FNDC3B: variants seen among roughly 807,000 people sequenced by gnomAD.
The protein encoded by FNDC3B is fibronectin type III domain-containing protein 3B.
Under a neutral mutation model 151.5 loss-of-function variants are expected in FNDC3B, and 12 were observed. The ratio of observed to expected loss-of-function variants is 0.08; its 90% CI spans 0.05 to 0.13. FNDC3B has a LOEUF of 0.13. FNDC3B is among the 10% of genes least tolerant of loss of function. The pLI, the probability that FNDC3B is intolerant of heterozygous loss-of-function variation, is 1.00. For missense variants in FNDC3B, 1,214 were observed against 1,505.3 expected (o/e 0.81, Z 3.20); for synonymous variants, 528 against 549.0 (o/e 0.96, Z 0.54).
intron 8 of FNDC3B, 88 bp downstream of exon 8, chr3:172,295,602 A>C: frequency 7.7e-7 from 1 of 1,290,794 alleles, no homozygotes; most frequent in Non-Finnish European, 1.1e-6. Context: ...AAAACCTTAT[A>C]GGCTTGGCAA....
At chr3:172,147,962 T>C (rs1016454448) in intron 3 of FNDC3B, among the ~76,000 whole-genome samples, 2 of 152,110 alleles carry the variant, frequency 1.3e-5, no homozygotes, top group Non-Finnish European at 2.9e-5. Flanking sequence ...AAGATAGAAT[T>C]TTTTTCTTTT....
At chr3:172,265,891 G>A (rs914327451) in intron 6 of FNDC3B, among the ~76,000 whole-genome samples, 3 of 152,202 alleles carry the variant, frequency 2.0e-5, no homozygotes, top group African/African-American at 4.8e-5. Flanking sequence ...GTGAGCAGAT[G>A]TTCCCTCAGC....
intron 1 of FNDC3B, among the ~76,000 whole-genome samples, chr3:172,084,979 A>C (rs1718476578): frequency 6.6e-6 from 1 of 152,188 alleles, no homozygotes; most frequent in Non-Finnish European, 1.5e-5. Context: ...AATTTCTGGA[A>C]CAGCATATTA....
chr3:172,066,342 C>T (rs989654855), intron 1 of FNDC3B, among the ~76,000 whole-genome samples: 2 of 152,194 alleles, frequency 1.3e-5, no homozygotes, highest in African/African-American at 2.4e-5. Flanking sequence ...ATCTTGTGTA[C>T]CTTCATATCA....
At chr3:172,321,392 T>C (rs1043219738) in intron 11 of FNDC3B, among the ~76,000 whole-genome samples, 1 of 152,266 alleles carries the variant, frequency 6.6e-6, no homozygotes, top group Admixed American at 6.5e-5. Context: ...AGTCTGGTTC[T>C]ATTTTTAGCT....
intron 23 of FNDC3B, among the ~76,000 whole-genome samples, chr3:172,373,067 C>T (rs1734956294): frequency 1.3e-5 from 2 of 152,164 alleles, no homozygotes; most frequent in South Asian, 4.1e-4. Context: ...CAGTCCTTCT[C>T]AGCAGCCTAG....
chr3:172,265,490 GAATAAAAT>G (rs1331611192), intron 6 of FNDC3B, among the ~76,000 whole-genome samples: 1 of 152,104 alleles, frequency 6.6e-6, no homozygotes, highest in Non-Finnish European at 1.5e-5. Context: ...AGATATGAAG[GAATAAAAT>G]GAGTGCCCAA....
At chr3:172,090,425 TAAAC>T (rs60240731) in intron 1 of FNDC3B, among the ~76,000 whole-genome samples, 80,927 of 150,180 alleles carry the variant, frequency 0.54, 22,160 homozygotes, top group Admixed American at 0.61. Context: ...TGACCAAAAA[TAAAC>T]AAACAAACAA....
chr3:172,303,739 T>A (rs1448931928), intron 9 of FNDC3B, among the ~76,000 whole-genome samples: 1 of 151,650 alleles, frequency 6.6e-6, no homozygotes, highest in Non-Finnish European at 1.5e-5. Flanking sequence ...AAAAAAAAAA[T>A]TGCAGTATTC....
chr3:172,208,443 T>C (rs1725540469), intron 3 of FNDC3B, among the ~76,000 whole-genome samples: 1 of 152,228 alleles, frequency 6.6e-6, no homozygotes, highest in African/African-American at 2.4e-5. Flanking sequence ...GGCATGAGTA[T>C]ATCGAGAACA....
chr3:172,251,374 G>T lies in FNDC3B; in HGVS notation c.623G>T (p.Ser208Ile). 6.2e-7 allele frequency: 1 copy of T among 1,613,994 alleles called. No individual in the cohort carries two copies. The highest frequency in any genetic ancestry group is 8.5e-7 in the Non-Finnish European group (1 of 1,179,994). The change falls in exon 6 of 26, where the codon AGC becomes ATC. Residue 208 changes from serine to isoleucine, a missense_variant. Physicochemically the swap from Ser to Ile is moderately radical, Grantham distance 142. Coordinates refer to ENST00000415807, the MANE Select transcript of FNDC3B (RefSeq NM_022763.4). ...ATCGATCGCCAGAACCGCCTCAACA[G>T]CCCTCCTTCTTCTATCTACAAAAGC... The part of the protein sequence containing the change: ...RQIDRQNRLN[S>I]PPSSIYKSSC...
intron 3 of FNDC3B, among the ~76,000 whole-genome samples, chr3:172,162,569 C>A (rs1722832010): frequency 2.0e-5 from 3 of 151,896 alleles, no homozygotes; most frequent in Admixed American, 2.0e-4. Flanking sequence ...CAGACTGTTT[C>A]CAAAGCAGCT....
intron 3 of FNDC3B, among the ~76,000 whole-genome samples, chr3:172,152,174 C>G (rs1468899323): frequency 1.3e-5 from 2 of 152,192 alleles, no homozygotes; most frequent in Non-Finnish European, 2.9e-5. Context: ...GCTGCCAATT[C>G]CTCTTCACAA....
At chr3:172,218,624 A>G (rs1237412654) in intron 3 of FNDC3B, among the ~76,000 whole-genome samples, 1 of 152,226 alleles carries the variant, frequency 6.6e-6, no homozygotes, top group Non-Finnish European at 1.5e-5. Context: ...GGTACTTTAT[A>G]TGCATTACAT....
At chr3:172,067,705 T>G (rs771641669) in intron 1 of FNDC3B, among the ~76,000 whole-genome samples, 1 of 152,122 alleles carries the variant, frequency 6.6e-6, no homozygotes, top group Non-Finnish European at 1.5e-5. Context: ...AAAAATTACT[T>G]AACAGGCCCA....
At chr3:172,369,689 G>A (rs964813008) in intron 23 of FNDC3B, among the ~76,000 whole-genome samples, 3 of 152,166 alleles carry the variant, frequency 2.0e-5, no homozygotes, top group African/African-American at 4.8e-5. Context: ...GCACGTTCAT[G>A]CTTAGTCGGT....
chr3:172,066,573 T>C lies in FNDC3B; in HGVS notation c.-29+26802T>C, dbSNP rs1359942851. On this transcript the variant is annotated intron_variant, in intron 1 of 25. Coordinates refer to ENST00000415807, the MANE Select transcript of FNDC3B (RefSeq NM_022763.4). ...TTTCCTCTGGGAAACTCAGGACTTG[T>C]CTGGGTTGAGCCATTTAGTAAAGCT... 2.0e-5 allele frequency among the ~76,000 whole-genome samples: 3 copies of C among 152,242 alleles called. No individual in the cohort carries two copies. In the East Asian group the frequency reaches 5.8e-4, roughly 29 times the overall value.
At chr3:172,222,705 A>C (rs1726346250) in intron 3 of FNDC3B, among the ~76,000 whole-genome samples, 1 of 152,210 alleles carries the variant, frequency 6.6e-6, no homozygotes, top group African/African-American at 2.4e-5. Flanking sequence ...ATCTGACAGG[A>C]GGCAGAGCTC....
intron 18 of FNDC3B, 44 bp downstream of exon 18, chr3:172,343,160 T>C (rs533763578): frequency 6.9e-6 from 7 of 1,008,714 alleles, no homozygotes; most frequent in African/African-American, 3.2e-5. Context: ...ATTTGGACAA[T>C]TGGAGATGAA....
Sources: allele counts gnomAD v4.1 joint callset (sites outside exome capture counted in the v4.1 genomes callset), GRCh38; gene constraint gnomAD v4.1.1; transcripts MANE v1.5; gene names NCBI Gene and HGNC (gene_info 2026-07-23, HGNC 2026-07-21).